The following VPS54 variants were observed in gnomAD, a reference collection of about 807,000 sequenced individuals.
VPS54 encodes the protein VPS54 subunit of GARP complex, also known as vacuolar protein sorting-associated protein 54.
VPS54 carries 45 observed loss-of-function variants against 121.5 expected under a neutral mutation model. The observed-to-expected ratio is 0.37, with a 90% CI of 0.29 to 0.47. The LOEUF is 0.47. Ranked by LOEUF, VPS54 falls within the 20% of genes least tolerant of loss-of-function variation. VPS54 has a pLI of 0.99. For missense variants in VPS54, 1,090 were observed against 1,131.4 expected, an observed-to-expected ratio of 0.96 and a Z score of 0.52; for synonymous variants, 371 against 385.8, an observed-to-expected ratio of 0.96 and a Z score of 0.45.
chr2:63,974,783 T>A (rs114016980), intron 3 of VPS54, among the ~76,000 whole-genome samples: 2 of 152,214 alleles, frequency 1.3e-5, no homozygotes, highest in African/African-American at 4.8e-5. Flanking sequence ...ATTAACCTTG[T>A]ATCTTGCAAG....
chr2:63,947,413 C>A lies in VPS54; in HGVS notation c.1215G>T (p.Met405Ile). Residue 405 changes from methionine to isoleucine, a missense_variant, in exon 9 of 23, where the codon ATG becomes ATT. Met to Ile is a conservative substitution (Grantham distance 10, BLOSUM62 1). Transcript: ENST00000272322. ...LNFLEIYGEK[M>I]VITAKNIIKQ... ...TAATGATATTCTTTGCTGTAATAAC[C>A]ATTTTTTCACCATAGATTTCTAAAA... 6.4e-7 allele frequency: 1 copy of A among 1,557,258 alleles called. No homozygotes were observed. Among genetic ancestry groups the A allele is most frequent in the Admixed American group, 1.8e-5 (1 of 56,462 alleles).
chr2:63,959,068 G>A (rs567868837), intron 7 of VPS54, among the ~76,000 whole-genome samples: 1 of 152,182 alleles, frequency 6.6e-6, no homozygotes, highest in African/African-American at 2.4e-5. Context: ...ATATTGTACT[G>A]GATAAAAATC....
Position 63,926,141 on chromosome 2 carries a change from C to T in VPS54, c.1740-4806G>A, listed in dbSNP as rs138604434. Among the ~76,000 whole-genome samples, 445 of 152,234 alleles carry T rather than the reference C, an allele frequency of 2.9e-3. 2 individuals are homozygous for T. The highest frequency in any genetic ancestry group is 0.01 in the African/African-American group (418 of 41,520). On this transcript the variant is annotated intron_variant, in intron 12 of 22. Transcript: ENST00000272322. ...CTTTGTCCTCTCCTTCCTGCTGCTA[C>T]GGATGAAAATGAAATGCTAAAAGCC...
At chr2:63,965,438 T>G (rs965724197) in intron 6 of VPS54, among the ~76,000 whole-genome samples, 1 of 152,238 alleles carries the variant, frequency 6.6e-6, no homozygotes, top group South Asian at 2.1e-4. Flanking sequence ...ATCGTGCCAC[T>G]GCACTCCAGC....
At chr2:63,943,793 T>C (rs1477119046) in intron 10 of VPS54, among the ~76,000 whole-genome samples, 2 of 148,168 alleles carry the variant, frequency 1.3e-5, no homozygotes, top group Admixed American at 6.8e-5. Context: ...GGCACAATCA[T>C]GGCTCACTGA....
chr2:63,982,174 C>G (rs1676829402), intron 2 of VPS54, among the ~76,000 whole-genome samples: 1 of 151,368 alleles, frequency 6.6e-6, no homozygotes, highest in African/African-American at 2.4e-5. Context: ...AACTCCTTTC[C>G]TTAATGTACA....
In VPS54 at chr2:63,965,878, T is replaced by G; in HGVS notation, c.581A>C (p.Lys194Thr). Residue 194 changes from lysine to threonine, a missense_variant, in exon 6 of 23, where the codon AAA becomes ACA. By Grantham distance (78) the Lys-to-Thr change is moderately conservative (BLOSUM62 -1). Around this residue, in one of 2 missense-constraint regions of VPS54, gnomAD observed 801 missense variants for 757.0 expected, o/e 1.06. Coordinates refer to ENST00000272322, the MANE Select transcript of VPS54 (RefSeq NM_016516.3). ...TGAGGAAGCTGCATCACGATTTCCT[T>G]TTCCACCAGCAGTATTAAAATGAGA... Reference protein sequence around the residue: ...PWSHFNTAGGKGNRDAASSKL... With the variant: ...PWSHFNTAGGTGNRDAASSKL... 1.2e-6 allele frequency: 2 copies of G among 1,612,872 alleles called. No homozygotes were observed. Among genetic ancestry groups the G allele is most frequent in the South Asian group, 2.2e-5 (2 of 90,482 alleles).
chr2:63,979,391 C>CA (rs1029561168), intron 3 of VPS54, among the ~76,000 whole-genome samples: 1 of 152,038 alleles, frequency 6.6e-6, no homozygotes, highest in Non-Finnish European at 1.5e-5. Context: ...AGGCACCTGC[C>CA]ATCATGCCTG....
intron 20 of VPS54, among the ~76,000 whole-genome samples, chr2:63,905,512 AT>A (rs146236100): frequency 0.092 from 13,774 of 149,734 alleles, 1,005 homozygotes; most frequent in African/African-American, 0.21. Flanking sequence ...TTCTATATGT[AT>A]TTTTTTTTTA....
intron 12 of VPS54, among the ~76,000 whole-genome samples, chr2:63,928,344 G>C (rs144751139): frequency 0.018 from 2,683 of 152,314 alleles, 34 homozygotes; most frequent in Non-Finnish European, 0.022. Flanking sequence ...CCAGAAGAGA[G>C]TGGGGGCCAA....
At chr2:63,958,130 C>A (rs1393954679) in intron 7 of VPS54, among the ~76,000 whole-genome samples, 3 of 152,072 alleles carry the variant, frequency 2.0e-5, no homozygotes, top group Admixed American at 6.5e-5. Context: ...TACAACATAG[C>A]TCTTGTCCAA....
chr2:63,907,542 A>G (rs1334633691), intron 20 of VPS54, among the ~76,000 whole-genome samples: 2 of 151,744 alleles, frequency 1.3e-5, no homozygotes, highest in Admixed American at 6.6e-5. Context: ...AAAGAAAAGA[A>G]AAGATTTCTC....
chr2:63,935,847 A>T (rs1460710972), intron 11 of VPS54, among the ~76,000 whole-genome samples: 3 of 152,212 alleles, frequency 2.0e-5, no homozygotes, highest in Non-Finnish European at 4.4e-5. Flanking sequence ...TGAAGAAGAA[A>T]AACTCCAGGT....
chr2:63,950,682 C>T (rs1337946458), intron 7 of VPS54, among the ~76,000 whole-genome samples: 1 of 152,180 alleles, frequency 6.6e-6, no homozygotes, highest in Admixed American at 6.5e-5. Context: ...GATCAGAAAC[C>T]TGACTTCATT....
intron 1 of VPS54, among the ~76,000 whole-genome samples, chr2:64,004,602 C>T (rs1678037498): frequency 6.6e-6 from 1 of 152,140 alleles, no homozygotes; most frequent in Admixed American, 6.5e-5. Flanking sequence ...CAATCCAATC[C>T]AATCCAATCT....
At chr2:63,938,136 G>C (rs1674552015) in intron 11 of VPS54, among the ~76,000 whole-genome samples, 1 of 151,326 alleles carries the variant, frequency 6.6e-6, no homozygotes, top group African/African-American at 2.4e-5. Context: ...ATGTGTGCGT[G>C]GCTGTGTGTG....
At chr2:63,982,498 G>A (rs1472782502) in intron 2 of VPS54, among the ~76,000 whole-genome samples, 7 of 152,060 alleles carry the variant, frequency 4.6e-5, no homozygotes, top group East Asian at 1.9e-4. Context: ...AGGTTCCTGC[G>A]AGCCTTTGGT....
At chr2:63,983,765 T>A (rs1676911511) in intron 2 of VPS54, 99 bp downstream of exon 2, 2 of 1,414,530 alleles carry the variant, frequency 1.4e-6, no homozygotes, top group Admixed American at 4.7e-5. Flanking sequence ...TTTAACATCA[T>A]AAAATTTACT....
chr2:63,901,176 A>G (rs557605331), intron 20 of VPS54, among the ~76,000 whole-genome samples: 2 of 152,358 alleles, frequency 1.3e-5, no homozygotes, highest in South Asian at 2.1e-4. Flanking sequence ...GAAAGCTGCA[A>G]TAGAACATTG....
Sources: gnomAD v4.1 joint callset for allele counts (sites outside exome capture counted in the v4.1 genomes callset) on GRCh38, gnomAD v4.1.1 for gene constraint, gnomAD v4.1.1 regional missense constraint, MANE v1.5 for transcripts, NCBI Gene and HGNC (gene_info 2026-07-23, HGNC 2026-07-21) for gene names.